ZFAND3: variants seen among roughly 807,000 people sequenced by gnomAD.
ZFAND3 encodes zinc finger AN1-type containing 3.
In ZFAND3, 10 loss-of-function variants were observed where a neutral mutation model predicts 29.6. The observed-to-expected ratio is 0.34, with a 90% CI of 0.21 to 0.57. ZFAND3 has a LOEUF of 0.57. ZFAND3 is among the 20% of genes least tolerant of loss of function. The pLI is 0.86. For missense variants in ZFAND3, 230 were observed against 304.5 expected, an observed-to-expected ratio of 0.76 and a Z score of 1.82; for synonymous variants, 128 against 112.6, an observed-to-expected ratio of 1.14 and a Z score of -0.87.
intron 4 of ZFAND3, among the ~76,000 whole-genome samples, chr6:38,082,693 A>C (rs1287001809): frequency 6.6e-6 from 1 of 152,190 alleles, no homozygotes; most frequent in African/African-American, 2.4e-5. Flanking sequence ...CAAAATATAC[A>C]TAATTTCTAA....
chr6:37,862,295 G>A (rs773095032), intron 1 of ZFAND3, among the ~76,000 whole-genome samples: 7 of 151,910 alleles, frequency 4.6e-5, no homozygotes, highest in Admixed American at 2.0e-4. Flanking sequence ...TACAGTAGAC[G>A]GCCTCATTCA....
At chr6:38,072,549 C>T (rs1764477661) in intron 3 of ZFAND3, among the ~76,000 whole-genome samples, 1 of 152,068 alleles carries the variant, frequency 6.6e-6, no homozygotes, top group Admixed American at 6.5e-5. Flanking sequence ...AGCTCTTGCA[C>T]TCGTCATATT....
chr6:37,948,674 G>A (rs75869528), intron 2 of ZFAND3, among the ~76,000 whole-genome samples: 4,514 of 152,238 alleles, frequency 0.03, 175 homozygotes, highest in African/African-American at 0.085. Flanking sequence ...TGTACTTAAT[G>A]TTTAGCTTCC....
chr6:38,061,464 T>G, intron 2 of ZFAND3, 129 bp from the exon 3 acceptor site: 5 of 1,163,730 alleles, frequency 4.3e-6, no homozygotes, highest in Non-Finnish European at 5.9e-6. Flanking sequence ...CTCCCATGGT[T>G]TTTTAGTCAC....
chr6:37,886,943 G>A (rs1167606295), intron 1 of ZFAND3, among the ~76,000 whole-genome samples: 1 of 152,184 alleles, frequency 6.6e-6, no homozygotes, highest in Non-Finnish European at 1.5e-5. Context: ...GGCAGAGGCT[G>A]CAGTGAGCTG....
At chr6:38,132,346 A>G (rs1235023830) in intron 5 of ZFAND3, among the ~76,000 whole-genome samples, 6 of 152,222 alleles carry the variant, frequency 3.9e-5, no homozygotes, top group African/African-American at 1.4e-4. Context: ...ACCCGTCTCT[A>G]CAAAAAAATA....
chr6:38,148,486 G>T (rs1312468674), intron 5 of ZFAND3, among the ~76,000 whole-genome samples: 1 of 152,194 alleles, frequency 6.6e-6, no homozygotes, highest in African/African-American at 2.4e-5. Flanking sequence ...GGTAGAGGAA[G>T]TGTTAAGGCT....
intron 3 of ZFAND3, among the ~76,000 whole-genome samples, chr6:38,072,885 A>C (rs1311524602): frequency 1.3e-5 from 2 of 152,226 alleles, no homozygotes; most frequent in African/African-American, 4.8e-5. Context: ...ATAAGATGGC[A>C]CCTTAGTGAG....
chr6:38,124,586 C>A (rs930830611), intron 5 of ZFAND3, among the ~76,000 whole-genome samples: 2 of 152,214 alleles, frequency 1.3e-5, no homozygotes, highest in African/African-American at 4.8e-5. Flanking sequence ...GGGTGCTAAG[C>A]CCCTCACTGC....
chr6:37,845,556 AGAAC>A (rs1764163060), intron 1 of ZFAND3, among the ~76,000 whole-genome samples: 1 of 152,216 alleles, frequency 6.6e-6, no homozygotes, highest in African/African-American at 2.4e-5. Flanking sequence ...TAATCTTCCA[AGAAC>A]TAACTTGTTT....
At chr6:37,936,363 T>G (rs981681799) in intron 2 of ZFAND3, among the ~76,000 whole-genome samples, 3 of 152,134 alleles carry the variant, frequency 2.0e-5, no homozygotes, top group African/African-American at 7.2e-5. Flanking sequence ...ATTGTATACT[T>G]TATAAGGCAG....
At chr6:38,006,154 CA>C (rs1182809514) in intron 2 of ZFAND3, among the ~76,000 whole-genome samples, 3 of 152,202 alleles carry the variant, frequency 2.0e-5, no homozygotes, top group African/African-American at 7.2e-5. Flanking sequence ...AAAAGGTAAT[CA>C]TCTTCCCATT....
chr6:38,055,574 T>A (rs1033756183), intron 2 of ZFAND3, among the ~76,000 whole-genome samples: 1 of 152,216 alleles, frequency 6.6e-6, no homozygotes, highest in African/African-American at 2.4e-5. Flanking sequence ...CAGGAGGCGC[T>A]TAATTCTTAG....
chr6:37,909,536 C>A (rs913184755), intron 1 of ZFAND3, among the ~76,000 whole-genome samples: 2 of 151,778 alleles, frequency 1.3e-5, no homozygotes, highest in South Asian at 2.1e-4. Flanking sequence ...TGCCCTTGGC[C>A]TCTCAAAGTG....
At chr6:37,891,145 A>G (rs1298395141) in intron 1 of ZFAND3, among the ~76,000 whole-genome samples, 1 of 152,202 alleles carries the variant, frequency 6.6e-6, no homozygotes, top group Non-Finnish European at 1.5e-5. Context: ...GACATTTCAT[A>G]TAAATGGAAT....
chr6:37,945,464 T>TG (rs1430266395), intron 2 of ZFAND3, among the ~76,000 whole-genome samples: 1 of 152,140 alleles, frequency 6.6e-6, no homozygotes, highest in Non-Finnish European at 1.5e-5. Flanking sequence ...GGTGCAGTCT[T>TG]GGCTCACTGC....
At chr6:38,063,904 A>G (rs1380286569) in intron 3 of ZFAND3, among the ~76,000 whole-genome samples, 3 of 152,122 alleles carry the variant, frequency 2.0e-5, no homozygotes, top group Non-Finnish European at 4.4e-5. Context: ...TTTTTTAAAT[A>G]TTATAACTTA....
chr6:38,072,138 C>T (rs13217698), intron 3 of ZFAND3, among the ~76,000 whole-genome samples: 7 of 4,258 alleles, frequency 1.6e-3, no homozygotes, highest in Non-Finnish European at 7.8e-3. Context: ...TTTTCTGTTT[C>T]TCTCTCTCTC....
At chr6:38,053,200 G>A (rs1384260492) in intron 2 of ZFAND3, among the ~76,000 whole-genome samples, 1 of 152,082 alleles carries the variant, frequency 6.6e-6, no homozygotes, top group Admixed American at 6.5e-5. Flanking sequence ...CTGGTTCTAA[G>A]TTCTAAGCCA....
Sources: gnomAD v4.1 joint callset for allele counts (sites outside exome capture counted in the v4.1 genomes callset) on GRCh38, gnomAD v4.1.1 for gene constraint, MANE v1.5 for transcripts, NCBI Gene and HGNC (gene_info 2026-07-23, HGNC 2026-07-21) for gene names.